The following GXYLT1 variants were observed in gnomAD, a reference collection of about 807,000 sequenced individuals.
GXYLT1 encodes glucoside xylosyltransferase 1.
A neutral mutation model predicts 54.0 loss-of-function variants in GXYLT1; 29 were observed. The observed-to-expected ratio is 0.54, with a 90% CI of 0.40 to 0.73. GXYLT1 has a LOEUF of 0.73. Among genes scored for constraint, GXYLT1 ranks in the 30% least tolerant of loss-of-function variants. The probability of loss-of-function intolerance (pLI) is 0.00; values close to 1 mark genes in which losing one functional copy is unlikely to be tolerated. For synonymous variants in GXYLT1, 176 were observed against 204.1 expected (o/e 0.86, Z 1.17); for missense variants, 490 against 553.4 (o/e 0.89, Z 1.15).
intron 3 of GXYLT1, among the ~76,000 whole-genome samples, chr12:42,117,044 C>T (rs1239369371): frequency 6.7e-6 from 1 of 148,498 alleles, no homozygotes; most frequent in African/African-American, 2.5e-5. Flanking sequence ...AACCAAACAC[C>T]ACATGTTCTC....
intron 1 of GXYLT1, among the ~76,000 whole-genome samples, chr12:42,140,255 T>A (rs540432686): frequency 1.4e-5 from 2 of 147,534 alleles, no homozygotes; most frequent in South Asian, 4.3e-4. Context: ...CCCAAACTAT[T>A]CTCAATTTTT....
At chr12:42,141,576 A>G (rs2065652608) in intron 1 of GXYLT1, among the ~76,000 whole-genome samples, 1 of 152,086 alleles carries the variant, frequency 6.6e-6, no homozygotes, top group East Asian at 1.9e-4. Context: ...TGAAGTGATG[A>G]TATTAACTAG....
At chr12:42,127,253 T>C (rs998752623) in intron 2 of GXYLT1, among the ~76,000 whole-genome samples, 13 of 152,234 alleles carry the variant, frequency 8.5e-5, no homozygotes, top group Non-Finnish European at 1.9e-4. Context: ...CTTGTATGCA[T>C]ATTTGAAATA....
intron 3 of GXYLT1, among the ~76,000 whole-genome samples, chr12:42,110,400 A>G (rs1047675007): frequency 2.0e-5 from 3 of 152,202 alleles, no homozygotes; most frequent in African/African-American, 7.2e-5. Flanking sequence ...GGGGGGAAAA[A>G]ACTAAGTAGT....
At chr12:42,098,144 T>C (rs2136880686) in intron 5 of GXYLT1, 111 bp from the exon 6 acceptor site, 1 of 936,218 alleles carries the variant, frequency 1.1e-6, no homozygotes, top group Admixed American at 2.3e-5. Context: ...CAAAGAGAAA[T>C]GCAAACTCCT....
chr12:42,106,255 C>T lies in GXYLT1; in HGVS notation c.613-186G>A, dbSNP rs17090971. On this transcript the variant is annotated intron_variant, in intron 4 of 7. Coordinates refer to ENST00000398675, the MANE Select transcript of GXYLT1 (RefSeq NM_173601.2). ...TATATAAAGATACTATGCTAACCTT[C>T]ATATTAACTTTCAGAGAAGATATGA... is the stretch of plus-strand genomic sequence containing the variant. Among the ~76,000 whole-genome samples the T allele has an allele frequency of 9.1e-3, 1,382 of 152,230 alleles. 22 individuals are homozygous for T. Among genetic ancestry groups the T allele is most frequent in the African/African-American group, 0.03 (1,262 of 41,540 alleles).
At chr12:42,097,644 C>T (rs1191499757) in intron 6 of GXYLT1, 30 bp from the exon 7 acceptor site, 2 of 1,562,854 alleles carry the variant, frequency 1.3e-6, no homozygotes, top group Admixed American at 1.9e-5. Flanking sequence ...AACAATGAAG[C>T]AAATACCCCT....
chr12:42,144,306 C>A, intron 1 of GXYLT1, 120 bp downstream of exon 1: 1 of 578,728 alleles, frequency 1.7e-6, no homozygotes. Flanking sequence ...AGTGAGGGGT[C>A]AGAGACAGGA....
intron 2 of GXYLT1, among the ~76,000 whole-genome samples, chr12:42,128,501 C>T (rs1169150437): frequency 1.3e-5 from 2 of 152,104 alleles, no homozygotes; most frequent in Non-Finnish European, 2.9e-5. Flanking sequence ...GTCACTCCCT[C>T]CAAGTCTTCC....
intron 4 of GXYLT1, among the ~76,000 whole-genome samples, chr12:42,106,319 G>A (rs953387563): frequency 1.8e-4 from 27 of 152,116 alleles, no homozygotes; most frequent in African/African-American, 6.0e-4. Flanking sequence ...TAAAAATTGA[G>A]AGAATAATAT....
chr12:42,144,648 G>A lies in GXYLT1; in HGVS notation c.-2C>T, dbSNP rs1356868411. The A allele has an allele frequency of 2.1e-6, 3 of 1,403,912 alleles. No individual in the cohort carries two copies. Among genetic ancestry groups the A allele is most frequent in the African/African-American group, 3.0e-5 (2 of 67,094 alleles). 87.0% of individuals were successfully genotyped at this position (1,403,912 alleles called of 1,614,324 possible). A position where few individuals can be genotyped will look rare whatever the true frequency, so the allele number is the denominator to read the frequency against. ...CACGACGCGCAGGTAGCGCCGCATC[G>A]CCCCGGCCGCGCTCCTCCTTCGCCG... is the stretch of plus-strand genomic sequence containing the variant. On this transcript the variant is annotated 5_prime_UTR_variant, in exon 1 of 8. Coordinates refer to ENST00000398675, the MANE Select transcript of GXYLT1 (RefSeq NM_173601.2).
intron 2 of GXYLT1, among the ~76,000 whole-genome samples, chr12:42,126,603 C>G (rs962063631): frequency 6.6e-6 from 1 of 152,096 alleles, no homozygotes; most frequent in Non-Finnish European, 1.5e-5. Context: ...GCTCAGGATT[C>G]AAGATTAGGC....
rs1016411924 is a variant in GXYLT1 at position 42,144,833 on chromosome 12, G to T, written c.-187C>A. On this transcript the variant is annotated 5_prime_UTR_variant, in exon 1 of 8. Coordinates refer to ENST00000398675, the MANE Select transcript of GXYLT1 (RefSeq NM_173601.2). ...CTAGGCGAGCGCAGTCGCGGCTCCG[G>T]AGCCGAAGGACTACCCGCCCGGAAG... The T allele has an allele frequency of 1.0e-5, 4 of 381,562 alleles. No individual in the cohort carries two copies. Among genetic ancestry groups the T allele is most frequent in the East Asian group, 4.2e-5 (1 of 23,716 alleles). 23.6% of individuals were successfully genotyped at this position (381,562 alleles called of 1,614,324 possible). A position where few individuals can be genotyped will look rare whatever the true frequency, so the allele number is the denominator to read the frequency against.
intron 2 of GXYLT1, among the ~76,000 whole-genome samples, chr12:42,126,880 GAA>G (rs201058501): frequency 9.9e-5 from 5 of 50,382 alleles, no homozygotes; most frequent in Non-Finnish European, 1.4e-4. Context: ...CCTGTCTCAA[GAA>G]AAAAAAAAAA....
chr12:42,142,504 T>A lies in GXYLT1; in HGVS notation c.221+1922A>T, dbSNP rs563877388. Among the ~76,000 whole-genome samples, 19 of 148,960 alleles carry A rather than the reference T, an allele frequency of 1.3e-4. No homozygotes were observed. In the South Asian group the frequency reaches 4.1e-3, roughly 32 times the overall value. ...GGTGTGAAACACCACATTCAGTTAA[T>A]TTTTTTTTAATTTTTTTATTTTTTG... is the stretch of plus-strand genomic sequence containing the variant. On this transcript the variant is annotated intron_variant, in intron 1 of 7. Coordinates refer to ENST00000398675, the MANE Select transcript of GXYLT1 (RefSeq NM_173601.2).
intron 1 of GXYLT1, among the ~76,000 whole-genome samples, chr12:42,137,503 CAAAAAAAA>C (rs34628599): frequency 4.2e-5 from 3 of 71,670 alleles, no homozygotes; most frequent in African/African-American, 5.8e-5. Flanking sequence ...GCATCTGTTT[CAAAAAAAA>C]AAAAAAAAAA....
Position 42,083,049 on chromosome 12 carries a change from T to C in GXYLT1, c.*4737A>G, listed in dbSNP as rs1211656858. 1 of 152,220 alleles carries C rather than the reference T, an allele frequency of 6.6e-6. No homozygotes were observed. Among genetic ancestry groups the C allele is most frequent in the Non-Finnish European group, 1.5e-5 (1 of 68,028 alleles). 9.4% of individuals were successfully genotyped at this position (152,220 alleles called of 1,614,324 possible). On this transcript the variant is annotated 3_prime_UTR_variant, in exon 8 of 8. Transcript: ENST00000398675. ...AAACATCTGAAATTATTGGTAGAAA[T>C]GAGGTGATAATAAATATTTTCTATT...
At chr12:42,123,699 CTATT>C (rs1258530841) in intron 2 of GXYLT1, among the ~76,000 whole-genome samples, 1 of 151,764 alleles carries the variant, frequency 6.6e-6, no homozygotes, top group African/African-American at 2.4e-5. Flanking sequence ...TTAGTATTCC[CTATT>C]TAAAGAGATA....
chr12:42,105,407 T>C (rs754230662), intron 5 of GXYLT1, among the ~76,000 whole-genome samples: 7 of 151,326 alleles, frequency 4.6e-5, no homozygotes, highest in Non-Finnish European at 8.8e-5. Context: ...TCATTTCCAT[T>C]TTACGGGTGA....
Sources: allele counts gnomAD v4.1 joint callset (sites outside exome capture counted in the v4.1 genomes callset), GRCh38; gene constraint gnomAD v4.1.1; transcripts MANE v1.5; gene names NCBI Gene and HGNC (gene_info 2026-07-23, HGNC 2026-07-21).